PIK3R1: variants seen among roughly 807,000 people sequenced by gnomAD.
PIK3R1 encodes phosphoinositide-3-kinase regulatory subunit 1.
PIK3R1 carries 29 observed loss-of-function variants against 98.0 expected under a neutral mutation model. The ratio of observed to expected loss-of-function variants is 0.30; its 90% CI spans 0.22 to 0.40. The LOEUF is 0.40. Ranked by LOEUF, PIK3R1 falls within the 10% of genes least tolerant of loss-of-function variation. PIK3R1 has a pLI of 1.00. For synonymous variants in PIK3R1, 282 were observed against 311.8 expected, an observed-to-expected ratio of 0.90 and a Z score of 1.01; for missense variants, 596 against 872.7, an observed-to-expected ratio of 0.68 and a Z score of 3.99.
At chr5:68,284,921 C>T (rs1747018698) in intron 7 of PIK3R1, among the ~76,000 whole-genome samples, 1 of 152,214 alleles carries the variant, frequency 6.6e-6, no homozygotes, top group Non-Finnish European at 1.5e-5. Flanking sequence ...AGTAAGCTCT[C>T]TAGACTTTGT....
chr5:68,280,243 C>T, intron 5 of PIK3R1: 1 of 460,218 alleles, frequency 2.2e-6, no homozygotes, highest in Non-Finnish European at 3.8e-6. Flanking sequence ...GCCAATCACA[C>T]TTGAAGCTGC....
At chr5:68,251,167 AT>A (rs1745292577) in intron 2 of PIK3R1, among the ~76,000 whole-genome samples, 1 of 152,200 alleles carries the variant, frequency 6.6e-6, no homozygotes. Context: ...AAGGTGGAGG[AT>A]ACAGTGGTTA....
chr5:68,297,289 G>GT, intron 15 of PIK3R1, 123 bp from the exon 16 acceptor site: 1 of 759,158 alleles, frequency 1.3e-6, no homozygotes, highest in Non-Finnish European at 2.1e-6. Flanking sequence ...GGTGTCAGTT[G>GT]TAACCTAGGA....
intron 1 of PIK3R1, among the ~76,000 whole-genome samples, chr5:68,220,067 A>G (rs916140441): frequency 1.3e-5 from 2 of 152,190 alleles, no homozygotes; most frequent in African/African-American, 4.8e-5. Context: ...ATTATCAAGT[A>G]TGGAGCGAAG....
intron 2 of PIK3R1, among the ~76,000 whole-genome samples, chr5:68,259,767 C>T (rs1300423400): frequency 6.6e-6 from 1 of 152,082 alleles, no homozygotes; most frequent in Non-Finnish European, 1.5e-5. Flanking sequence ...ATTGAGCTGC[C>T]CCCCAAAAGG....
At chr5:68,224,612 G>A (rs977974155) in intron 1 of PIK3R1, among the ~76,000 whole-genome samples, 2 of 152,156 alleles carry the variant, frequency 1.3e-5, no homozygotes, top group Non-Finnish European at 2.9e-5. Context: ...CCACTGACGA[G>A]TGCCTGTAAT....
At chr5:68,223,038 A>G (rs1382965637) in intron 1 of PIK3R1, among the ~76,000 whole-genome samples, 1 of 151,256 alleles carries the variant, frequency 6.6e-6, no homozygotes, top group Admixed American at 6.6e-5. Flanking sequence ...ATATATGACT[A>G]TATATATATG....
At position 68,297,774 on chromosome 5, in the gene PIK3R1, C is replaced by T; in HGVS notation, c.*173C>T. ...AAAGAAGTAGGGGAAGACATGCAGC[C>T]TAAGGCTGTATGATGACCACACGTT... is the stretch of plus-strand genomic sequence containing the variant. On this transcript the variant is annotated 3_prime_UTR_variant, in exon 16 of 16. Transcript: ENST00000521381. The T allele has an allele frequency of 1.8e-6, 1 of 564,938 alleles. No homozygotes were observed. The highest frequency in any genetic ancestry group is 2.6e-5 in the South Asian group (1 of 39,102). 35.0% of individuals were successfully genotyped at this position (564,938 alleles called of 1,614,324 possible).
At chr5:68,295,993 A>T (rs1747690364) in intron 14 of PIK3R1, among the ~76,000 whole-genome samples, 178 bp from the exon 15 acceptor site, 2 of 152,188 alleles carry the variant, frequency 1.3e-5, no homozygotes, top group Non-Finnish European at 2.9e-5. Context: ...GTTGCACTGG[A>T]GGCTGAATAC....
intron 2 of PIK3R1, among the ~76,000 whole-genome samples, chr5:68,249,040 A>G (rs768078478): frequency 6.6e-6 from 1 of 152,250 alleles, no homozygotes; most frequent in Non-Finnish European, 1.5e-5. Context: ...ATAGCTTCAT[A>G]AATATTACCA....
At chr5:68,216,285 C>T (rs1743877321) in intron 1 of PIK3R1, among the ~76,000 whole-genome samples, 1 of 152,224 alleles carries the variant, frequency 6.6e-6, no homozygotes, top group South Asian at 2.1e-4. Flanking sequence ...CCCTCCGTCA[C>T]CGCACACTTC....
chr5:68,294,675 A>G lies in PIK3R1; in HGVS notation c.1565A>G (p.Gln522Arg). The G allele has an allele frequency of 6.2e-7, 1 of 1,602,870 alleles. No individual in the cohort carries two copies. The highest frequency in any genetic ancestry group is 8.5e-7 in the Non-Finnish European group (1 of 1,176,240). Reference protein sequence around the residue: ...FKREGNEKEIQRIMHNYDKLK... With the variant: ...FKREGNEKEIRRIMHNYDKLK... ...CGTGAAGGCAATGAGAAAGAAATAC[A>G]AAGGTTGGTGTTTCCCTTGTTCTTG... The change falls in exon 12 of 16, where the codon CAA (glutamine) becomes CGA (arginine). Residue 522 changes from glutamine to arginine, a missense_variant. Gln to Arg is a conservative substitution (Grantham distance 43). This residue lies in a region of PIK3R1 where 207 missense variants were observed against 361.4 expected (regional missense o/e 0.57). Transcript: ENST00000521381.
intron 1 of PIK3R1, among the ~76,000 whole-genome samples, chr5:68,223,015 CATATATGACTAT>C (rs543432150): frequency 9.3e-4 from 141 of 151,464 alleles, no homozygotes; most frequent in African/African-American, 1.1e-3. Flanking sequence ...CACACACATA[CATATATGACTAT>C]ATATATGACT....
intron 2 of PIK3R1, among the ~76,000 whole-genome samples, chr5:68,262,033 C>A (rs1429724549): frequency 6.6e-6 from 1 of 152,072 alleles, no homozygotes; most frequent in Admixed American, 6.5e-5. Context: ...CACCTCTGGG[C>A]CATCCACCAG....
chr5:68,252,276 T>C (rs2112072458), intron 2 of PIK3R1, among the ~76,000 whole-genome samples: 1 of 152,186 alleles, frequency 6.6e-6, no homozygotes, highest in African/African-American at 2.4e-5. Context: ...CCTACATGTG[T>C]CTTTCATTAC....
In PIK3R1 at chr5:68,288,496, G is replaced by A. The variant is rs540819694; in HGVS notation, c.917-3763G>A. 5.1e-4 allele frequency: 671 copies of A among 1,315,278 alleles called. 3 individuals are homozygous for A. The African/African-American group carries it at 9.9e-3, about 19-fold the overall frequency. The allele number at this position is 1,315,278 out of a possible 1,614,324, so 81.5% of individuals were successfully genotyped here. The stretch of plus-strand genomic sequence containing the variant: ...GTGGCCCGGACGCACTGCCGGGCGG[G>A]GCGTGGGGCGGAGGGACGAGCCGAG... On this transcript the variant is annotated intron_variant, in intron 7 of 15. Transcript: ENST00000521381.
intron 4 of PIK3R1, among the ~76,000 whole-genome samples, chr5:68,276,638 A>G (rs1486308846): frequency 6.6e-6 from 1 of 152,240 alleles, no homozygotes; most frequent in Non-Finnish European, 1.5e-5. Flanking sequence ...GCCAGTTTCA[A>G]TGCAGAAAAG....
intron 1 of PIK3R1, among the ~76,000 whole-genome samples, chr5:68,216,763 A>AAACCACAGCTCTAACACTAGTGAGCTCT (rs2067135): frequency 0.52 from 78,540 of 151,168 alleles, 21,821 homozygotes; most frequent in East Asian, 0.72. Flanking sequence ...AATTCTCTGG[A>AAACCACAGCTCTAACACTAGTGAGCTCT]AACCACAGCT....
At chr5:68,262,001 C>T (rs73771036) in intron 2 of PIK3R1, among the ~76,000 whole-genome samples, 88 of 152,154 alleles carry the variant, frequency 5.8e-4, no homozygotes, top group African/African-American at 2.0e-3. Context: ...AGGAGTACCC[C>T]GCAGTGATAA....
Sources: gnomAD v4.1 joint callset for allele counts (sites outside exome capture counted in the v4.1 genomes callset) on GRCh38, gnomAD v4.1.1 for gene constraint, gnomAD v4.1.1 regional missense constraint, MANE v1.5 for transcripts, NCBI Gene and HGNC (gene_info 2026-07-23, HGNC 2026-07-21) for gene names.